Variants in WWOX observed in about 807,000 individuals in gnomAD.
WWOX encodes the protein WW domain-containing oxidoreductase.
A neutral mutation model predicts 46.2 loss-of-function variants in WWOX; 69 were observed. The observed-to-expected ratio is 1.49, with a 90% CI of 1.23 to 1.82. The LOEUF is 1.82. WWOX is among the 40% of genes most tolerant of loss of function. WWOX has a pLI of 0.00. For missense variants in WWOX, 919 were observed against 542.6 expected, an observed-to-expected ratio of 1.69 and a Z score of -6.89; for synonymous variants, 359 against 202.6, an observed-to-expected ratio of 1.77 and a Z score of -6.56.
intron 8 of WWOX, among the ~76,000 whole-genome samples, chr16:79,122,389 A>G (rs978504588): frequency 3.8e-4 from 58 of 152,322 alleles, no homozygotes; most frequent in African/African-American, 1.3e-3. Flanking sequence ...AAATCCTCCA[A>G]TATTAAGAAC....
At chr16:78,124,996 A>G (rs1430429251) in intron 4 of WWOX, among the ~76,000 whole-genome samples, 1 of 152,210 alleles carries the variant, frequency 6.6e-6, no homozygotes, top group African/African-American at 2.4e-5. Flanking sequence ...TATTTCATAT[A>G]AAGAGGAACA....
At chr16:79,159,698 GAT>G (rs2050447987) in intron 8 of WWOX, among the ~76,000 whole-genome samples, 1 of 152,234 alleles carries the variant, frequency 6.6e-6, no homozygotes, top group South Asian at 2.1e-4. Flanking sequence ...CAGGGGGAAA[GAT>G]AGCAGGCAGT....
intron 1 of WWOX, among the ~76,000 whole-genome samples, chr16:78,106,421 G>GTTTTTTTTTT (rs34551316): frequency 6.5e-5 from 8 of 122,996 alleles, no homozygotes; most frequent in Non-Finnish European, 1.0e-4. Context: ...GTTTTTTTTT[G>GTTTTTTTTTT]TTTTTTTTTT....
intron 8 of WWOX, among the ~76,000 whole-genome samples, chr16:78,789,257 C>T (rs913805687): frequency 6.6e-6 from 1 of 152,156 alleles, no homozygotes; most frequent in Admixed American, 6.5e-5. Context: ...CCTCTATTTT[C>T]TTCTCAGACT....
At chr16:78,707,885 AT>A (rs1555520611) in intron 8 of WWOX, among the ~76,000 whole-genome samples, 4 of 145,380 alleles carry the variant, frequency 2.8e-5, no homozygotes, top group Admixed American at 6.8e-5. Context: ...AAATAAATAA[AT>A]AAAGTATCTG....
chr16:78,844,820 C>T (rs933843344), intron 8 of WWOX, among the ~76,000 whole-genome samples: 2 of 152,194 alleles, frequency 1.3e-5, no homozygotes, highest in African/African-American at 4.8e-5. Context: ...CACAGTCTAA[C>T]AGTGTCACCG....
At chr16:78,288,923 C>T (rs1166333287) in intron 5 of WWOX, among the ~76,000 whole-genome samples, 1 of 152,112 alleles carries the variant, frequency 6.6e-6, no homozygotes, top group African/African-American at 2.4e-5. Flanking sequence ...AGAACAACAA[C>T]AAAAAATTTT....
chr16:79,179,893 T>C (rs1473290216), intron 8 of WWOX, among the ~76,000 whole-genome samples: 1 of 152,216 alleles, frequency 6.6e-6, no homozygotes, highest in African/African-American at 2.4e-5. Flanking sequence ...TTGATTTAGG[T>C]TGGAATTACA....
chr16:78,914,882 A>G (rs1027460055), intron 8 of WWOX, among the ~76,000 whole-genome samples: 1,128 of 43,074 alleles, frequency 0.026, 14 homozygotes, highest in African/African-American at 0.12. Flanking sequence ...CCGCCTCAGA[A>G]AAAAAAAAAA....
chr16:78,940,782 T>G (rs530131392), intron 8 of WWOX, among the ~76,000 whole-genome samples: 11 of 152,178 alleles, frequency 7.2e-5, no homozygotes, highest in Non-Finnish European at 1.2e-4. Flanking sequence ...TTTGTTATCT[T>G]ATTGTCCTCT....
intron 5 of WWOX, among the ~76,000 whole-genome samples, chr16:78,316,755 G>A (rs1286314850): frequency 6.6e-6 from 1 of 152,122 alleles, no homozygotes. Context: ...AATGGTGATG[G>A]TAAAGTAATT....
chr16:78,913,382 A>C (rs1048333452), intron 8 of WWOX, among the ~76,000 whole-genome samples: 12 of 151,892 alleles, frequency 7.9e-5, no homozygotes, highest in Non-Finnish European at 1.5e-5. Flanking sequence ...GGACTGTTGG[A>C]AGACGAGACG....
intron 8 of WWOX, among the ~76,000 whole-genome samples, chr16:78,830,854 C>T (rs368789756): frequency 6.6e-6 from 1 of 152,058 alleles, no homozygotes; most frequent in Admixed American, 6.5e-5. Context: ...GTGTCCTTTT[C>T]TTTCTCCTAC....
chr16:79,000,957 TC>T (rs1289894395), intron 8 of WWOX, among the ~76,000 whole-genome samples: 1 of 152,236 alleles, frequency 6.6e-6, no homozygotes, highest in South Asian at 2.1e-4. Context: ...AGTGTGTGGT[TC>T]AACTATGAGA....
intron 8 of WWOX, among the ~76,000 whole-genome samples, chr16:79,143,607 A>G (rs2050131151): frequency 1.3e-5 from 2 of 152,230 alleles, no homozygotes; most frequent in African/African-American, 4.8e-5. Context: ...AAAAATTATG[A>G]TAATAATATT....
intron 8 of WWOX, among the ~76,000 whole-genome samples, chr16:78,439,821 C>G (rs1255066539): frequency 6.6e-6 from 1 of 152,230 alleles, no homozygotes; most frequent in Non-Finnish European, 1.5e-5. Flanking sequence ...ATAATCTTTA[C>G]TTTTCCCTCA....
At chr16:78,587,263 G>A (rs140026534) in intron 8 of WWOX, among the ~76,000 whole-genome samples, 1 of 147,716 alleles carries the variant, frequency 6.8e-6, no homozygotes, top group African/African-American at 2.5e-5. Flanking sequence ...CTTGTACTGG[G>A]CTCAAGCAAT....
At chr16:78,218,509 T>C (rs1251882324) in intron 5 of WWOX, among the ~76,000 whole-genome samples, 2 of 152,104 alleles carry the variant, frequency 1.3e-5, no homozygotes, top group Admixed American at 1.3e-4. Context: ...ATGATTTGAC[T>C]ATATGAGGTC....
intron 7 of WWOX, among the ~76,000 whole-genome samples, chr16:78,431,260 A>T (rs1215495383): frequency 3.3e-5 from 5 of 152,224 alleles, no homozygotes; most frequent in Non-Finnish European, 1.5e-5. Context: ...ATACTTAAAA[A>T]CATTAGATTT....
Sources: gnomAD v4.1 joint callset for allele counts (sites outside exome capture counted in the v4.1 genomes callset) on GRCh38, gnomAD v4.1.1 for gene constraint, MANE v1.5 for transcripts, NCBI Gene and HGNC (gene_info 2026-07-23, HGNC 2026-07-21) for gene names.